The following HS3ST5 variants were observed in gnomAD, a reference collection of about 807,000 sequenced individuals.
HS3ST5 encodes the protein heparan sulfate-glucosamine 3-sulfotransferase 5, also known as heparan sulfate glucosamine 3-O-sulfotransferase 5.
HS3ST5 carries 10 observed loss-of-function variants against 25.4 expected under a neutral mutation model. The ratio of observed to expected loss-of-function variants is 0.39; its 90% CI spans 0.24 to 0.67. The LOEUF is 0.67. Ranked by LOEUF, HS3ST5 falls within the 30% of genes least tolerant of loss-of-function variation. The pLI, the probability that HS3ST5 is intolerant of heterozygous loss-of-function variation, is 0.44. For synonymous variants in HS3ST5, 170 were observed against 162.4 expected, an observed-to-expected ratio of 1.05 and a Z score of -0.36; for missense variants, 324 against 420.7, an observed-to-expected ratio of 0.77 and a Z score of 2.01.
intron 1 of HS3ST5, among the ~76,000 whole-genome samples, chr6:114,327,910 T>C (rs975480679): frequency 3.9e-5 from 6 of 152,168 alleles, no homozygotes; most frequent in African/African-American, 1.2e-4. Context: ...ATTGATGATG[T>C]TGGAAAGGTG....
chr6:114,118,562 T>C (rs1470291458), intron 3 of HS3ST5, among the ~76,000 whole-genome samples: 4 of 152,218 alleles, frequency 2.6e-5, no homozygotes, highest in Non-Finnish European at 5.9e-5. Flanking sequence ...TACTCAAGAA[T>C]ATATAGTGAA....
chr6:114,194,292 C>A (rs930808266), intron 2 of HS3ST5, among the ~76,000 whole-genome samples: 1 of 152,100 alleles, frequency 6.6e-6, no homozygotes, highest in Non-Finnish European at 1.5e-5. Flanking sequence ...ATGATCACTT[C>A]GTAAATAAAA....
rs370213608 is a variant in HS3ST5 at position 114,091,639 on chromosome 6, G to T, written c.-32-28762C>A. Among the ~76,000 whole-genome samples the T allele has an allele frequency of 1.8e-4, 27 of 152,028 alleles. 1 individual carries two copies. The East Asian group carries it at 2.7e-3, about 15-fold the overall frequency. ...GCAGAGCTTGCTGTGAGCCGAGATT[G>T]CGCCACTGCACCCAGCCTGGGTGAC... On this transcript the variant is annotated intron_variant, in intron 3 of 4. Coordinates refer to ENST00000312719, the MANE Select transcript of HS3ST5 (RefSeq NM_153612.4).
At chr6:114,151,688 T>C (rs540080203) in intron 3 of HS3ST5, among the ~76,000 whole-genome samples, 29 of 152,360 alleles carry the variant, frequency 1.9e-4, no homozygotes, top group Non-Finnish European at 3.5e-4. Flanking sequence ...GAGTTAGCAG[T>C]TGCCCAATAA....
chr6:114,288,979 G>T (rs1774456753), intron 1 of HS3ST5, among the ~76,000 whole-genome samples: 1 of 152,008 alleles, frequency 6.6e-6, no homozygotes, highest in Non-Finnish European at 1.5e-5. Context: ...GCCTCACATG[G>T]TTCCTGGGAC....
At chr6:114,303,778 C>T (rs1775181572) in intron 1 of HS3ST5, among the ~76,000 whole-genome samples, 1 of 152,134 alleles carries the variant, frequency 6.6e-6, no homozygotes, top group Admixed American at 6.6e-5. Flanking sequence ...AAATATAATG[C>T]ATGCAATTAT....
chr6:114,272,151 ACT>A (rs1305938432), intron 1 of HS3ST5, among the ~76,000 whole-genome samples: 2 of 151,698 alleles, frequency 1.3e-5, no homozygotes, highest in Admixed American at 1.3e-4. Context: ...CCTTCTATTA[ACT>A]CTTTTCCATT....
At chr6:114,232,940 A>G (rs1010749967) in intron 1 of HS3ST5, among the ~76,000 whole-genome samples, 12 of 152,130 alleles carry the variant, frequency 7.9e-5, no homozygotes, top group Non-Finnish European at 1.5e-4. Context: ...CCCTTGTGTA[A>G]AAACTTTTAA....
chr6:114,188,690 C>T (rs1048225923), intron 2 of HS3ST5, among the ~76,000 whole-genome samples: 3 of 152,022 alleles, frequency 2.0e-5, no homozygotes, highest in African/African-American at 7.3e-5. Flanking sequence ...TTATTGGTGT[C>T]ACTCTTGGAG....
chr6:114,314,306 T>C (rs1403192959), intron 1 of HS3ST5, among the ~76,000 whole-genome samples: 1 of 152,194 alleles, frequency 6.6e-6, no homozygotes, highest in Admixed American at 6.5e-5. Flanking sequence ...CAGGTGACAC[T>C]GAAGTTACTG....
intron 3 of HS3ST5, among the ~76,000 whole-genome samples, chr6:114,071,775 G>GA (rs1773837625): frequency 6.6e-6 from 1 of 151,894 alleles, no homozygotes; most frequent in African/African-American, 2.4e-5. Context: ...TTTTTATTTT[G>GA]AAAAAAATCG....
intron 1 of HS3ST5, among the ~76,000 whole-genome samples, chr6:114,337,168 A>G (rs1474566018): frequency 1.3e-5 from 2 of 152,218 alleles, no homozygotes; most frequent in Non-Finnish European, 2.9e-5. Flanking sequence ...TCCTGAGATC[A>G]TCATGACAAA....
chr6:114,237,970 T>C (rs956688155), intron 1 of HS3ST5, among the ~76,000 whole-genome samples: 11 of 152,220 alleles, frequency 7.2e-5, no homozygotes, highest in African/African-American at 1.9e-4. Flanking sequence ...AATTACAATG[T>C]TATTAGGTGC....
chr6:114,159,996 T>A (rs1778866061), intron 3 of HS3ST5, among the ~76,000 whole-genome samples: 1 of 152,214 alleles, frequency 6.6e-6, no homozygotes, highest in African/African-American at 2.4e-5. Context: ...TGACTGCATT[T>A]GTTTACATGC....
At chr6:114,341,222 G>GGGGAGAGAGA (rs1776839835) in intron 1 of HS3ST5, among the ~76,000 whole-genome samples, 32 of 46,632 alleles carry the variant, frequency 6.9e-4, no homozygotes, top group African/African-American at 3.7e-3. Flanking sequence ...GGAGAGAGGG[G>GGGGAGAGAGA]GAGAGAGAGA....
intron 3 of HS3ST5, among the ~76,000 whole-genome samples, chr6:114,152,372 T>A (rs1346108015): frequency 3.9e-5 from 6 of 152,036 alleles, no homozygotes; most frequent in Non-Finnish European, 8.8e-5. Context: ...ACCACTCTGA[T>A]AATCCATTAA....
At chr6:114,294,583 C>G (rs1774731651) in intron 1 of HS3ST5, among the ~76,000 whole-genome samples, 1 of 151,722 alleles carries the variant, frequency 6.6e-6, no homozygotes, top group Admixed American at 6.6e-5. Flanking sequence ...GTAGCTGGGA[C>G]TACAGGCGCC....
chr6:114,149,088 C>T (rs1381869584), intron 3 of HS3ST5, among the ~76,000 whole-genome samples: 1 of 152,174 alleles, frequency 6.6e-6, no homozygotes, highest in African/African-American at 2.4e-5. Flanking sequence ...ACAACAGATG[C>T]TGGTGAGGCT....
intron 1 of HS3ST5, among the ~76,000 whole-genome samples, chr6:114,320,914 C>CTCTATATA (rs1491517323): frequency 1.5e-5 from 2 of 135,718 alleles, no homozygotes; most frequent in African/African-American, 5.6e-5. Flanking sequence ...CTCTCTCTCT[C>CTCTATATA]TATATATATA....
Sources: allele counts gnomAD v4.1 joint callset (sites outside exome capture counted in the v4.1 genomes callset), GRCh38; gene constraint gnomAD v4.1.1; transcripts MANE v1.5; gene names NCBI Gene and HGNC (gene_info 2026-07-23, HGNC 2026-07-21).